Variants in ASPG observed in about 807,000 individuals in gnomAD.
ASPG encodes the protein 60 kDa lysophospholipase.
In ASPG, 53 loss-of-function variants were observed where a neutral mutation model predicts 63.2. That is an observed-to-expected ratio of 0.84 (90% CI 0.67 to 1.05). The LOEUF (loss-of-function observed/expected upper bound fraction) is 1.05. ASPG is among the 50% of genes least tolerant of loss of function. The pLI is 0.00. For missense variants in ASPG, 741 were observed against 794.4 expected (o/e 0.93, Z 0.81); for synonymous variants, 370 against 355.0 (o/e 1.04, Z -0.48).
chr14:104,097,471 G>A (rs1192030876), intron 4 of ASPG, 83 bp from the exon 5 acceptor site: 2 of 1,372,390 alleles, frequency 1.5e-6, no homozygotes, highest in African/African-American at 1.5e-5. Context: ...GGCTGGGCCT[G>A]GGGGTTTACC....
At chr14:104,107,129 C>G in intron 11 of ASPG, 53 bp from the exon 12 acceptor site, 26 of 1,521,490 alleles carry the variant, frequency 1.7e-5, no homozygotes, top group Non-Finnish European at 2.3e-5. Flanking sequence ...CCATGGCCTA[C>G]CTGGCCCCGC....
intron 1 of ASPG, among the ~76,000 whole-genome samples, chr14:104,092,419 G>A (rs2036395616): frequency 6.6e-6 from 1 of 152,184 alleles, no homozygotes; most frequent in African/African-American, 2.4e-5. Context: ...GAATCACCAC[G>A]GGCTCCAAGG....
At chr14:104,098,710 G>T (rs879200949) in intron 5 of ASPG, 143 bp from the exon 6 acceptor site, 5 of 1,313,862 alleles carry the variant, frequency 3.8e-6, no homozygotes, top group Non-Finnish European at 1.0e-6. Flanking sequence ...TCCCAGGAAG[G>T]TCTCTGCCTG....
chr14:104,106,605 C>T (rs1377971263), intron 10 of ASPG, among the ~76,000 whole-genome samples, 194 bp from the exon 11 acceptor site: 1 of 152,012 alleles, frequency 6.6e-6, no homozygotes, highest in East Asian at 1.9e-4. Flanking sequence ...CCTAGGTGGG[C>T]CTGGATGGGG....
intron 6 of ASPG, among the ~76,000 whole-genome samples, chr14:104,103,211 G>A (rs1200750184): frequency 1.3e-5 from 2 of 152,232 alleles, no homozygotes; most frequent in African/African-American, 4.8e-5. Context: ...AGACACAGCC[G>A]GGCCTCCATC....
Position 104,110,406 on chromosome 14 carries a change from C to A in ASPG, c.1520+1091C>A. Reference sequence around the variant, plus strand: ...ACTTGGTCAAGATTTGCACTCCAGACAGGCCTTGCTGGCTCCATTGACAGA... The same window carrying A: ...ACTTGGTCAAGATTTGCACTCCAGAAAGGCCTTGCTGGCTCCATTGACAGA... On this transcript the variant is annotated intron_variant, in intron 13 of 15. Coordinates refer to ENST00000551177, the MANE Select transcript of ASPG (RefSeq NM_001080464.3). This position sits in a 1 kb window ranked among gnomAD's most constrained non-coding sequence, Gnocchi z 4.7. The A allele has an allele frequency of 1.0e-6, 1 of 985,368 alleles. No homozygotes were observed. The highest frequency in any genetic ancestry group is 1.2e-6 in the Non-Finnish European group (1 of 829,912). 61.0% of individuals were successfully genotyped at this position (985,368 alleles called of 1,614,324 possible).
intron 2 of ASPG, chr14:104,093,063 C>T: frequency 2.1e-6 from 1 of 473,204 alleles, no homozygotes; most frequent in Non-Finnish European, 3.8e-6. Flanking sequence ...GGTGGCCTTG[C>T]CCCCAGCATA....
At chr14:104,094,510 A>C (rs1282373459) in intron 3 of ASPG, among the ~76,000 whole-genome samples, 1 of 150,794 alleles carries the variant, frequency 6.6e-6, no homozygotes, top group Non-Finnish European at 1.5e-5. Context: ...CTCCCATGTT[A>C]CCGGAGCTGC....
At position 104,111,615 on chromosome 14, in the gene ASPG, C is replaced by A. The variant is rs1023080686; in HGVS notation, c.1620+14C>A. ...GCCCTGCACGTCGTGAGTGCCCCCA[C>A]CCCCTGCACCCTCTCCAAAGGCTGC... On this transcript the variant is annotated intron_variant, in intron 14 of 15. Coordinates refer to ENST00000551177, the MANE Select transcript of ASPG (RefSeq NM_001080464.3). The A allele has an allele frequency of 3.9e-5, 60 of 1,546,328 alleles. No individual in the cohort carries two copies. In the East Asian group the frequency reaches 1.5e-3, roughly 38 times the overall value.
rs537296332 is a variant in ASPG, at chr14:104,088,706, C to T, written c.82+2854C>T. On this transcript the variant is annotated intron_variant, in intron 1 of 15. Coordinates refer to ENST00000551177, the MANE Select transcript of ASPG (RefSeq NM_001080464.3). ...ACTGCAGTGGCGTCTGTGCCCTTGGCCTGGACCTCCTTCCTGAATGGGTGC... is the reference window on the plus strand; with the variant it reads ...ACTGCAGTGGCGTCTGTGCCCTTGGTCTGGACCTCCTTCCTGAATGGGTGC... Among the ~76,000 whole-genome samples the T allele has an allele frequency of 1.8e-4, 27 of 152,168 alleles. 1 individual carries two copies. Among genetic ancestry groups the T allele is most frequent in the Non-Finnish European group, 3.5e-4 (24 of 68,040 alleles).
chr14:104,102,422 T>C (rs1252202850), intron 6 of ASPG, among the ~76,000 whole-genome samples: 1 of 152,132 alleles, frequency 6.6e-6, no homozygotes, highest in Non-Finnish European at 1.5e-5. Context: ...GGAAGAGCCC[T>C]GTGCGGGGGT....
At chr14:104,094,017 C>T (rs1430892910) in intron 3 of ASPG, among the ~76,000 whole-genome samples, 2 of 151,780 alleles carry the variant, frequency 1.3e-5, no homozygotes, top group Non-Finnish European at 2.9e-5. Context: ...GGGTGAGGAG[C>T]TGCAGGGTCT....
chr14:104,089,003 G>A lies in ASPG; in HGVS notation c.82+3151G>A, dbSNP rs1400679741. 3.9e-5 allele frequency among the ~76,000 whole-genome samples: 6 copies of A among 151,962 alleles called. No individual in the cohort carries two copies. The East Asian group carries it at 7.7e-4, about 20-fold the overall frequency. On this transcript the variant is annotated intron_variant, in intron 1 of 15. Coordinates refer to ENST00000551177, the MANE Select transcript of ASPG (RefSeq NM_001080464.3). ...AAAATCATAGTTAGGTGTGAAAGCC[G>A]GTGTTTGTTTATTTTTTATTTATTT...
intron 12 of ASPG, chr14:104,108,974 C>A (rs1378348818): frequency 2.0e-6 from 2 of 985,260 alleles, no homozygotes; most frequent in East Asian, 1.1e-4. Flanking sequence ...CAGAGTTGAC[C>A]CCACCCCTTG....
In ASPG at chr14:104,097,677, G is replaced by T. The variant is rs771975263; in HGVS notation, c.513+40G>T. ...CACGTGGAGGCGGGGCAGGTGGGGT[G>T]GGGGCAGGAGCCCAGACAGCAGCCA... On this transcript the variant is annotated intron_variant, in intron 5 of 15. Coordinates refer to ENST00000551177, the MANE Select transcript of ASPG (RefSeq NM_001080464.3). The T allele has an allele frequency of 7.8e-6, 12 of 1,540,306 alleles. No individual in the cohort carries two copies. The African/African-American group carries it at 1.6e-4, about 21-fold the overall frequency.
At position 104,107,281 on chromosome 14, in the gene ASPG, G is replaced by C. The variant is rs1272082061; in HGVS notation, c.1369G>C (p.Gly457Arg). The change falls in exon 12 of 16, where the codon GGT becomes CGT. Residue 457 changes from glycine (G) to arginine (R), a missense_variant. Transcript: ENST00000551177. The part of the protein sequence containing the change: ...TEAVTMLLQR[G>R]VDVNTRDTDG... The stretch of plus-strand genomic sequence containing the variant: ...GGCAGTCACCATGCTGCTGCAGAGA[G>C]GTGTGGACGTGAACACCCGGGACAC... 6.2e-7 allele frequency: 1 copy of C among 1,608,438 alleles called. No individual in the cohort carries two copies. The highest frequency in any genetic ancestry group is 8.5e-7 in the Non-Finnish European group (1 of 1,177,372).
intron 6 of ASPG, among the ~76,000 whole-genome samples, chr14:104,101,333 C>T (rs2036866269): frequency 6.6e-6 from 1 of 152,162 alleles, no homozygotes; most frequent in Non-Finnish European, 1.5e-5. Flanking sequence ...CGGCCTGGGC[C>T]CGGGTGCCAG....
intron 13 of ASPG, 24 bp from the exon 14 acceptor site, chr14:104,111,478 C>T (rs540761985): frequency 1.3e-6 from 2 of 1,541,996 alleles, no homozygotes; most frequent in East Asian, 2.4e-5. Flanking sequence ...GCCCCAACAA[C>T]TCCTCCTCTG....
At position 104,089,969 on chromosome 14, in the gene ASPG, A is replaced by AAG. The variant is rs1381708825; in HGVS notation, c.83-2663_83-2662insGA. 2.7e-4 allele frequency among the ~76,000 whole-genome samples: 41 copies of AAG among 151,332 alleles called. No individual in the cohort carries two copies. In the East Asian group the frequency reaches 7.4e-3, roughly 27 times the overall value. On this transcript the variant is annotated intron_variant, in intron 1 of 15. Coordinates refer to ENST00000551177, the MANE Select transcript of ASPG (RefSeq NM_001080464.3). ...CCTCAAAAAAAAAAAAAAAAAAAAAAAAAAAGGAAGAAAGGAGAAGAAAAA... is the reference window on the plus strand; with the variant it reads ...CCTCAAAAAAAAAAAAAAAAAAAAAAAGAAAAAGGAAGAAAGGAGAAGAAAAA...
Sources: gnomAD v4.1 joint callset for allele counts (sites outside exome capture counted in the v4.1 genomes callset) on GRCh38, gnomAD v4.1.1 for gene constraint, Gnocchi (gnomAD v3.1) non-coding constraint, MANE v1.5 for transcripts, NCBI Gene and HGNC (gene_info 2026-07-23, HGNC 2026-07-21) for gene names.